The following TENM3 variants were observed in gnomAD, a reference collection of about 807,000 sequenced individuals.
The protein encoded by TENM3 is teneurin transmembrane protein 3, also known as teneurin-3.
A neutral mutation model predicts 255.1 loss-of-function variants in TENM3; 63 were observed. That is an observed-to-expected ratio of 0.25 (90% CI 0.20 to 0.30). The LOEUF is 0.30. Ranked by LOEUF, TENM3 falls within the 10% of genes least tolerant of loss-of-function variation. TENM3 has a pLI of 1.00. For missense variants in TENM3, 2,929 were observed against 3,461.1 expected (o/e 0.85, Z 3.86); for synonymous variants, 1,306 against 1,322.3 (o/e 0.99, Z 0.27).
the TENM3 span, among the ~76,000 whole-genome samples, chr4:181,855,970 G>T: frequency 7.1e-6 from 1 of 140,862 alleles, no homozygotes; most frequent in Non-Finnish European, 1.5e-5. Context: ...AAAGGAGGAA[G>T]GAAAAGAGGG....
chr4:181,538,854 A>G, the TENM3 span, among the ~76,000 whole-genome samples: 1 of 152,280 alleles, frequency 6.6e-6, no homozygotes, highest in African/African-American at 2.4e-5. Flanking sequence ...TCTTTGTTCT[A>G]AATAAATCCT....
chr4:182,178,984 C>A (rs1415285829), intron 1 of TENM3, among the ~76,000 whole-genome samples: 1 of 152,158 alleles, frequency 6.6e-6, no homozygotes, highest in Non-Finnish European at 1.5e-5. Flanking sequence ...CTGCTGTTTT[C>A]AACGAATTCC....
At chr4:182,274,918 G>A (rs1047127091) in intron 1 of TENM3, among the ~76,000 whole-genome samples, 1 of 151,948 alleles carries the variant, frequency 6.6e-6, no homozygotes, top group Non-Finnish European at 1.5e-5. Flanking sequence ...CTGCCTCCCG[G>A]GTTCAAGCTA....
intron 22 of TENM3, among the ~76,000 whole-genome samples, chr4:182,757,699 C>G (rs566865773): frequency 6.6e-6 from 1 of 152,196 alleles, no homozygotes; most frequent in South Asian, 2.1e-4. Flanking sequence ...AACAAATAAC[C>G]TCCAAGAATT....
chr4:181,761,890 A>T, the TENM3 span, among the ~76,000 whole-genome samples: 1 of 152,198 alleles, frequency 6.6e-6, no homozygotes, highest in Non-Finnish European at 1.5e-5. Context: ...TGAAATATAA[A>T]TTATCCATCA....
At position 182,469,886 on chromosome 4, in the gene TENM3, C is replaced by G. The variant is rs1483447877; in HGVS notation, c.511+122957C>G. 3.3e-5 allele frequency among the ~76,000 whole-genome samples: 5 copies of G among 151,982 alleles called. No individual in the cohort carries two copies. The East Asian group carries it at 9.6e-4, about 29-fold the overall frequency. ...TCCTGTTTTATAACATAAATGTAAA[C>G]AGTGATTTTAATGATATTTTTTTCT... On this transcript the variant is annotated intron_variant, in intron 3 of 27. Transcript: ENST00000511685.
At chr4:182,605,020 A>G (rs144358156) in intron 4 of TENM3, among the ~76,000 whole-genome samples, 60 of 152,248 alleles carry the variant, frequency 3.9e-4, no homozygotes, top group Middle Eastern at 3.4e-3. Flanking sequence ...TTCTCTTTTT[A>G]TCTTCTTTAA....
At chr4:181,511,902 A>G in the TENM3 span, among the ~76,000 whole-genome samples, 1 of 152,092 alleles carries the variant, frequency 6.6e-6, no homozygotes, top group African/African-American at 2.4e-5. Flanking sequence ...CCAGAGCTGC[A>G]TGGACTTGTA....
intron 1 of TENM3, among the ~76,000 whole-genome samples, chr4:182,233,160 G>C (rs1756685290): frequency 6.6e-6 from 1 of 152,160 alleles, no homozygotes; most frequent in Non-Finnish European, 1.5e-5. Flanking sequence ...CACCTTCCGT[G>C]CTCAGCCAAA....
intron 19 of TENM3, among the ~76,000 whole-genome samples, chr4:182,747,043 A>G (rs1762057174): frequency 6.6e-6 from 1 of 152,128 alleles, no homozygotes; most frequent in Non-Finnish European, 1.5e-5. Flanking sequence ...TTCCTGGTTA[A>G]TAAGATCCTT....
chr4:181,653,780 T>C, the TENM3 span, among the ~76,000 whole-genome samples: 1 of 150,720 alleles, frequency 6.6e-6, no homozygotes, highest in Non-Finnish European at 1.5e-5. Context: ...TGTGCCATGG[T>C]GGTTTGCTGC....
the TENM3 span, among the ~76,000 whole-genome samples, chr4:181,888,219 A>C: frequency 6.6e-6 from 1 of 151,492 alleles, no homozygotes; most frequent in African/African-American, 2.4e-5. Flanking sequence ...TAGTAGAGCC[A>C]GGGGTTTCCC....
chr4:182,661,041 G>C (rs909394030), intron 6 of TENM3, among the ~76,000 whole-genome samples: 2 of 152,084 alleles, frequency 1.3e-5, no homozygotes, highest in Admixed American at 1.3e-4. Flanking sequence ...ATATATTACA[G>C]GCAATGTAAC....
the TENM3 span, among the ~76,000 whole-genome samples, chr4:181,992,345 C>A: frequency 6.6e-6 from 1 of 152,104 alleles, no homozygotes; most frequent in African/African-American, 2.4e-5. Flanking sequence ...TGCAACCAGG[C>A]AGATTACTAA....
At chr4:181,544,408 T>TAAAAAAAAAAAAAAAAA in the TENM3 span, among the ~76,000 whole-genome samples, 52 of 68,658 alleles carry the variant, frequency 7.6e-4, 10 homozygotes, top group East Asian at 1.2e-3. Flanking sequence ...CCTTCAGGAT[T>TAAAAAAAAAAAAAAAAA]AAAAAAAAAA....
At chr4:182,706,507 G>A (rs188544901) in intron 12 of TENM3, among the ~76,000 whole-genome samples, 109 of 152,206 alleles carry the variant, frequency 7.2e-4, no homozygotes, top group Non-Finnish European at 1.2e-3. Flanking sequence ...TTGTAAATAA[G>A]GTTTTGCTCA....
At chr4:181,977,141 A>G in the TENM3 span, among the ~76,000 whole-genome samples, 1 of 152,188 alleles carries the variant, frequency 6.6e-6, no homozygotes, top group African/African-American at 2.4e-5. Context: ...CTGAAATATC[A>G]TGCAAAGTAC....
At chr4:181,848,199 T>C in the TENM3 span, among the ~76,000 whole-genome samples, 1 of 152,220 alleles carries the variant, frequency 6.6e-6, no homozygotes, top group Non-Finnish European at 1.5e-5. Context: ...AACCTGCTAA[T>C]GTCTCTTGTA....
At chr4:182,278,179 C>T (rs752724198) in intron 1 of TENM3, among the ~76,000 whole-genome samples, 2 of 152,098 alleles carry the variant, frequency 1.3e-5, no homozygotes, top group Non-Finnish European at 2.9e-5. Flanking sequence ...CCAGCCTGAC[C>T]AACATGGAGG....
Sources: allele counts gnomAD v4.1 joint callset (sites outside exome capture counted in the v4.1 genomes callset), GRCh38; gene constraint gnomAD v4.1.1; transcripts MANE v1.5; gene names NCBI Gene and HGNC (gene_info 2026-07-23, HGNC 2026-07-21).